Variants in SLC25A27 observed in about 807,000 individuals in gnomAD.
SLC25A27 encodes solute carrier family 25 member 27, also known as mitochondrial uncoupling protein 4.
Under a neutral mutation model 49.1 loss-of-function variants are expected in SLC25A27, and 35 were observed. The observed-to-expected ratio is 0.71, with a 90% confidence interval of 0.54 to 0.95. The LOEUF (loss-of-function observed/expected upper bound fraction) is 0.95, where lower values mean the gene tolerates loss of function less well. Among genes scored for constraint, SLC25A27 ranks in the 40% least tolerant of loss-of-function variants. The pLI is 0.00. For synonymous variants in SLC25A27, 144 were observed against 136.9 expected, an observed-to-expected ratio of 1.05 and a Z score of -0.36; for missense variants, 339 against 397.1, an observed-to-expected ratio of 0.85 and a Z score of 1.24.
Position 46,676,841 on chromosome 6 carries a change from A to C in SLC25A27, c.*387A>C. On this transcript the variant is annotated 3_prime_UTR_variant, in exon 9 of 9. Transcript: ENST00000371347. ...TTCAGATCTGAAGTAGACGATAGGA[A>C]TGTGGAAGAACACATACATAGTGCT... 1 of 658,294 alleles carries C rather than the reference A, an allele frequency of 1.5e-6. No homozygotes were observed. Among genetic ancestry groups the C allele is most frequent in the Non-Finnish European group, 2.7e-6 (1 of 369,948 alleles). The allele number at this position is 658,294 out of a possible 1,614,324, so 40.8% of individuals were successfully genotyped here.
intron 2 of SLC25A27, among the ~76,000 whole-genome samples, chr6:46,658,061 A>G (rs1387487522): frequency 6.6e-6 from 1 of 152,198 alleles, no homozygotes; most frequent in African/African-American, 2.4e-5. Context: ...TCTCCTCATA[A>G]TGTTTCCTGA....
intron 8 of SLC25A27, among the ~76,000 whole-genome samples, chr6:46,673,384 G>A (rs957504945): frequency 3.9e-4 from 60 of 152,192 alleles, no homozygotes; most frequent in African/African-American, 1.4e-3. Flanking sequence ...AAACCCAGGT[G>A]GCCTGACACC....
chr6:46,659,840 G>A (rs1763106516), intron 3 of SLC25A27, among the ~76,000 whole-genome samples: 1 of 151,148 alleles, frequency 6.6e-6, no homozygotes, highest in African/African-American at 2.4e-5. Context: ...GGGTGACAGA[G>A]CAAGGCTCTG....
rs1191274419 is a variant in SLC25A27 at position 46,677,988 on chromosome 6, T to TTTTTCA, written c.*1537_*1542dup. 1.3e-5 allele frequency: 2 copies of TTTTTCA among 149,614 alleles called. No individual in the cohort carries two copies. Among genetic ancestry groups the TTTTTCA allele is most frequent in the East Asian group, 4.0e-4 (2 of 5,036 alleles). 9.3% of individuals were successfully genotyped at this position (149,614 alleles called of 1,614,324 possible). A position where few individuals can be genotyped will look rare whatever the true frequency, so the allele number is the denominator to read the frequency against. ...CTCTTAAAATATTTAGATGGTCTAC[T>TTTTTCA]TTTTCATTGAATTTGTCAATATGTA... On this transcript the variant is annotated 3_prime_UTR_variant, in exon 9 of 9. Coordinates refer to ENST00000371347, the MANE Select transcript of SLC25A27 (RefSeq NM_004277.5).
At chr6:46,663,956 G>T (rs1455100480) in intron 4 of SLC25A27, among the ~76,000 whole-genome samples, 1 of 152,168 alleles carries the variant, frequency 6.6e-6, no homozygotes, top group Non-Finnish European at 1.5e-5. Context: ...CTTAGTAAGT[G>T]CTCCATAAAT....
At chr6:46,661,864 T>G (rs1562037156) in intron 3 of SLC25A27, among the ~76,000 whole-genome samples, 1 of 152,234 alleles carries the variant, frequency 6.6e-6, no homozygotes, top group East Asian at 1.9e-4. Context: ...AAATAGTAAT[T>G]GTGATTGCTT....
At chr6:46,663,100 T>C (rs1170757671) in intron 4 of SLC25A27, among the ~76,000 whole-genome samples, 1 of 152,182 alleles carries the variant, frequency 6.6e-6, no homozygotes, top group Non-Finnish European at 1.5e-5. Flanking sequence ...TGCATTACAC[T>C]ATATTACTAA....
chr6:46,657,842 G>A (rs932325056), intron 2 of SLC25A27, among the ~76,000 whole-genome samples: 18 of 152,258 alleles, frequency 1.2e-4, no homozygotes, highest in Middle Eastern at 3.4e-3. Flanking sequence ...ATGCAACACA[G>A]GTGATTTTTG....
At chr6:46,670,560 AT>A in intron 7 of SLC25A27, 1 of 259,564 alleles carries the variant, frequency 3.9e-6, no homozygotes, top group South Asian at 4.9e-5. Context: ...GGAGAATCTG[AT>A]TTGATATGAA....
intron 8 of SLC25A27, 28 bp downstream of exon 8, chr6:46,671,256 T>C (rs762967214): frequency 1.5e-6 from 2 of 1,294,968 alleles, no homozygotes. Context: ...TCCTTTGTTT[T>C]TTTTCTTTGT....
chr6:46,662,258 CCTTTT>C (rs1763185985), intron 3 of SLC25A27, 113 bp from the exon 4 acceptor site: 1 of 841,646 alleles, frequency 1.2e-6, no homozygotes, highest in South Asian at 1.7e-5. Flanking sequence ...TTGGGTATAT[CCTTTT>C]CTTTACTTGA....
intron 7 of SLC25A27, 153 bp downstream of exon 7, chr6:46,670,380 T>C (rs962629192): frequency 5.1e-6 from 3 of 585,576 alleles, no homozygotes; most frequent in Middle Eastern, 3.3e-4. Flanking sequence ...ACCTGCTCTT[T>C]GATGAAAAAG....
chr6:46,676,446 C>T lies in SLC25A27; in HGVS notation c.964C>T (p.Pro322Ser), dbSNP rs1299175117. Residue 322 changes from proline to serine, a missense_variant, in exon 9 of 9, where the codon CCA (proline) becomes TCA (serine). Pro to Ser is a moderately conservative substitution (Grantham distance 74, BLOSUM62 -1). Coordinates refer to ENST00000371347, the MANE Select transcript of SLC25A27 (RefSeq NM_004277.5). ...AATCAGAGAGATGAGTGGAGTCAGTCCATTTTAAACCCCTAAAGATGCAAC... is the reference window on the plus strand; with the variant it reads ...AATCAGAGAGATGAGTGGAGTCAGTTCATTTTAAACCCCTAAAGATGCAAC... Reference protein sequence around the residue: ...EKIREMSGVSPF With the variant: ...EKIREMSGVSSF 6.2e-7 allele frequency: 1 copy of T among 1,613,884 alleles called. No homozygotes were observed.
intron 5 of SLC25A27, among the ~76,000 whole-genome samples, chr6:46,667,040 A>C (rs1022937291): frequency 6.6e-6 from 1 of 152,078 alleles, no homozygotes; most frequent in African/African-American, 2.4e-5. Flanking sequence ...TAGTCTTTCC[A>C]TATCTACCCC....
In SLC25A27 at chr6:46,664,885, A is replaced by T; in HGVS notation, c.618A>T (p.Gly206=). The T allele has an allele frequency of 1.3e-6, 2 of 1,530,812 alleles. No homozygotes were observed. Among genetic ancestry groups the T allele is most frequent in the Non-Finnish European group, 1.8e-6 (2 of 1,126,100 alleles). 94.8% of individuals were successfully genotyped at this position (1,530,812 alleles called of 1,614,324 possible). A position where few individuals can be genotyped will look rare whatever the true frequency, so the allele number is the denominator to read the frequency against. Residue 206 remains glycine, a splice_region_variant and synonymous_variant, in exon 5 of 9, where the codon GGA becomes GGT. Transcript: ENST00000371347. ...NIQRAALVNM[G]DLTTYDTVKH... ...AAAGAGCAGCACTGGTGAATATGGG[A>T]GGTAATGAAAACTTTGTTAAATTCT...
intron 4 of SLC25A27, 39 bp downstream of exon 4, chr6:46,662,537 T>C (rs1334419877): frequency 6.2e-7 from 1 of 1,605,782 alleles, no homozygotes; most frequent in Non-Finnish European, 8.5e-7. Flanking sequence ...CTTTTTCCCT[T>C]GGCCACCGTC....
chr6:46,671,836 A>C (rs1264495781), intron 8 of SLC25A27, among the ~76,000 whole-genome samples: 1 of 152,032 alleles, frequency 6.6e-6, no homozygotes, highest in Non-Finnish European at 1.5e-5. Flanking sequence ...TAAGTAATAT[A>C]GCAAATATAA....
intron 5 of SLC25A27, among the ~76,000 whole-genome samples, chr6:46,666,816 C>T (rs755242732): frequency 7.9e-5 from 12 of 151,480 alleles, no homozygotes; most frequent in Middle Eastern, 3.4e-3. Context: ...AATATATCAC[C>T]ACTCTCTCAG....
chr6:46,666,544 T>C (rs756782975), intron 5 of SLC25A27, among the ~76,000 whole-genome samples: 13 of 152,204 alleles, frequency 8.5e-5, no homozygotes, highest in Non-Finnish European at 1.5e-4. Context: ...CTGTGTCTAC[T>C]GTATATTTGT....
Sources: allele counts gnomAD v4.1 joint callset (sites outside exome capture counted in the v4.1 genomes callset), GRCh38; gene constraint gnomAD v4.1.1; transcripts MANE v1.5; gene names NCBI Gene and HGNC (gene_info 2026-07-23, HGNC 2026-07-21).